Variants in SLC25A46 observed in about 807,000 individuals in gnomAD.
SLC25A46 encodes mitochondrial outer membrane protein SLC25A46.
A neutral mutation model predicts 44.6 loss-of-function variants in SLC25A46; 39 were observed. The ratio of observed to expected loss-of-function variants is 0.87; its 90% CI spans 0.68 to 1.14. The LOEUF (loss-of-function observed/expected upper bound fraction) is 1.14, where lower values mean the gene tolerates loss of function less well. SLC25A46 is among the 50% of genes most tolerant of loss of function. The pLI is 0.00. For synonymous variants in SLC25A46, 202 were observed against 185.8 expected (o/e 1.09, Z -0.71); for missense variants, 547 against 522.7 (o/e 1.05, Z -0.45).
chr5:110,738,733 CACCCGCGGGTTATCGGCTCCCTCCA>C, upstream of SLC25A46: 1 of 262,766 alleles, frequency 3.8e-6, no homozygotes, highest in Non-Finnish European at 7.3e-6. Flanking sequence ...GGGTAGGCTC[CACCCGCGGGTTATCGGCTCCCTCCA>C]AGAAGCATCT....
Position 110,744,716 on chromosome 5 carries a change from G to T in SLC25A46, c.384+929G>T, listed in dbSNP as rs184403317. On this transcript the variant is annotated intron_variant, in intron 3 of 7. Transcript: ENST00000355943. ...TTGTTTTAATCAACAATCTCACTTT[G>T]TTTATTTTTTAAAATATGTCTGTCC... Among the ~76,000 whole-genome samples, 3 of 152,154 alleles carry T rather than the reference G, an allele frequency of 2.0e-5. No individual in the cohort carries two copies. In the East Asian group the frequency reaches 5.8e-4, roughly 29 times the overall value.
chr5:110,739,003 T>C, upstream of SLC25A46: 2 of 1,469,278 alleles, frequency 1.4e-6, no homozygotes, highest in Non-Finnish European at 1.8e-6. Context: ...GACTTCCGGT[T>C]GTCAGAATTT....
At position 110,763,817 on chromosome 5, in the gene SLC25A46, A is replaced by G. The variant is rs1800321106; in HGVS notation, c.*2035A>G. On this transcript the variant is annotated 3_prime_UTR_variant, in exon 8 of 8. Transcript: ENST00000355943. ...GTTTTCCTTTTTGGAGAAAGAGAAT[A>G]CAAATTAACATTAAAATTGAAATGT... 1 of 151,866 alleles carries G rather than the reference A, an allele frequency of 6.6e-6. No individual in the cohort carries two copies. The highest frequency in any genetic ancestry group is 6.6e-5 in the Admixed American group (1 of 15,200). The allele number at this position is 151,866 out of a possible 1,614,324, so 9.4% of individuals were successfully genotyped here.
intron 5 of SLC25A46, chr5:110,755,166 C>A: frequency 5.0e-6 from 1 of 200,726 alleles, no homozygotes; most frequent in Non-Finnish European, 9.9e-6. Context: ...TTCTTTTAAC[C>A]AATCATCTTA....
Position 110,755,462 on chromosome 5 carries a change from T to G in SLC25A46, c.564-3T>G. The G allele has an allele frequency of 6.5e-7, 1 of 1,536,710 alleles. No homozygotes were observed. The highest frequency in any genetic ancestry group is 8.9e-7 in the Non-Finnish European group (1 of 1,126,266). ...TTTATTTAAGTTTATTTTTATGTTT[T>G]AGGGAGGTTTTACATAAATGGAGTC... On this transcript the variant is annotated splice_polypyrimidine_tract_variant and splice_region_variant and intron_variant, in intron 5 of 7. Transcript: ENST00000355943.
At chr5:110,751,623 T>C (rs780630113) in intron 5 of SLC25A46, among the ~76,000 whole-genome samples, 1 of 152,172 alleles carries the variant, frequency 6.6e-6, no homozygotes, top group Non-Finnish European at 1.5e-5. Flanking sequence ...ATTGTAACTG[T>C]AGATGAAAAG....
intron 2 of SLC25A46, among the ~76,000 whole-genome samples, chr5:110,742,842 C>G (rs1799724226): frequency 1.3e-5 from 2 of 151,950 alleles, no homozygotes; most frequent in East Asian, 3.9e-4. Context: ...TAAGAAAATC[C>G]TTTAGTCTTG....
chr5:110,739,931 T>TAA (rs531981056), intron 1 of SLC25A46, among the ~76,000 whole-genome samples: 13 of 146,332 alleles, frequency 8.9e-5, no homozygotes, highest in South Asian at 2.2e-4. Flanking sequence ...ACACATAGGC[T>TAA]AAAAAAAAAA....
At position 110,748,213 on chromosome 5, in the gene SLC25A46, A is replaced by C; in HGVS notation, c.513A>C (p.Gly171=). 1.2e-6 allele frequency: 2 copies of C among 1,613,724 alleles called. No homozygotes were observed. Among genetic ancestry groups the C allele is most frequent in the Admixed American group, 3.3e-5 (2 of 60,012 alleles). ...KGMGSTFIVQ[G]VTLGAEGIIS... ...TGGGAAGTACATTTATTGTCCAGGG[A>C]GTCACACTTGGAGCAGAAGGCATAA... The change falls in exon 5 of 8, where the codon GGA becomes GGC. Residue 171 remains glycine, a synonymous_variant. Transcript: ENST00000355943.
chr5:110,743,976 G>T (rs1308372209), intron 3 of SLC25A46, among the ~76,000 whole-genome samples, 189 bp downstream of exon 3: 2 of 152,028 alleles, frequency 1.3e-5, no homozygotes, highest in Non-Finnish European at 2.9e-5. Context: ...GTTTATGTTG[G>T]TCATATCTAT....
Position 110,739,119 on chromosome 5 carries a change from G to C in SLC25A46, c.-1G>C, listed in dbSNP as rs897837735. 6.5e-7 allele frequency: 1 copy of C among 1,546,716 alleles called. No individual in the cohort carries two copies. Among genetic ancestry groups the C allele is most frequent in the Non-Finnish European group, 8.7e-7 (1 of 1,146,532 alleles). On this transcript the variant is annotated 5_prime_UTR_variant, in exon 1 of 8. Transcript: ENST00000355943. ...GCTCGCGTCATCCTGCCCCCGCTGCGATGCATCCGCGGCGCCCGGACGGAT... is the reference window on the plus strand; with the variant it reads ...GCTCGCGTCATCCTGCCCCCGCTGCCATGCATCCGCGGCGCCCGGACGGAT...
At chr5:110,751,265 A>C (rs1799963770) in intron 5 of SLC25A46, among the ~76,000 whole-genome samples, 1 of 152,236 alleles carries the variant, frequency 6.6e-6, no homozygotes, top group Admixed American at 6.5e-5. Flanking sequence ...AAGAACAATA[A>C]TTCCATTAAT....
chr5:110,764,405 C>T lies in SLC25A46; in HGVS notation c.*2623C>T, dbSNP rs1349673444. The T allele has an allele frequency of 6.6e-6, 1 of 151,678 alleles. No individual in the cohort carries two copies. Among genetic ancestry groups the T allele is most frequent in the Non-Finnish European group, 1.5e-5 (1 of 67,854 alleles). 9.4% of individuals were successfully genotyped at this position (151,678 alleles called of 1,614,324 possible). A position where few individuals can be genotyped will look rare whatever the true frequency, so the allele number is the denominator to read the frequency against. On this transcript the variant is annotated 3_prime_UTR_variant, in exon 8 of 8. Coordinates refer to ENST00000355943, the MANE Select transcript of SLC25A46 (RefSeq NM_138773.4). ...GTTAATAAGGTTATCTATTAAAGCC[C>T]CCAGAATCTCAGCACTAGATGTCAT...
At chr5:110,752,044 A>G (rs1269660191) in intron 5 of SLC25A46, among the ~76,000 whole-genome samples, 2 of 152,180 alleles carry the variant, frequency 1.3e-5, no homozygotes, top group Non-Finnish European at 2.9e-5. Context: ...ACAGCAGTTC[A>G]CAGAAGCTAC....
upstream of SLC25A46, chr5:110,738,158 G>A: frequency 1.7e-6 from 2 of 1,199,184 alleles, no homozygotes; most frequent in Non-Finnish European, 2.1e-6. Flanking sequence ...CTTCCAACGA[G>A]TTGAAGGAAC....
chr5:110,753,300 AGTTT>A (rs1197916283), intron 5 of SLC25A46: 1 of 74,832 alleles, frequency 1.3e-5, no homozygotes, highest in Non-Finnish European at 2.9e-5. Flanking sequence ...GGTTGGGGTA[AGTTT>A]TTTTTTTTTT....
At position 110,761,958 on chromosome 5, in the gene SLC25A46, G is replaced by A; in HGVS notation, c.*176G>A. On this transcript the variant is annotated 3_prime_UTR_variant, in exon 8 of 8. Coordinates refer to ENST00000355943, the MANE Select transcript of SLC25A46 (RefSeq NM_138773.4). This position sits in a 1 kb window ranked among gnomAD's most constrained non-coding sequence, Gnocchi z 5.3. ...TTTTAAGGCATAGGTATATATTTTG[G>A]ATCAAAATCCTTCCAAATTTGAAAA... 1 of 537,190 alleles carries A rather than the reference G, an allele frequency of 1.9e-6. No homozygotes were observed. Among genetic ancestry groups the A allele is most frequent in the Non-Finnish European group, 3.2e-6 (1 of 312,086 alleles). 33.3% of individuals were successfully genotyped at this position (537,190 alleles called of 1,614,324 possible). A position where few individuals can be genotyped will look rare whatever the true frequency, so the allele number is the denominator to read the frequency against.
chr5:110,743,910 G>T, intron 3 of SLC25A46, 123 bp downstream of exon 3: 2 of 690,862 alleles, frequency 2.9e-6, no homozygotes, highest in South Asian at 2.9e-5. Context: ...CAAACTTTTT[G>T]GTCTCAAAAC....
Position 110,763,449 on chromosome 5 carries a change from ATAAAAT to A in SLC25A46, c.*1672_*1677del, listed in dbSNP as rs988688610. 29 of 151,982 alleles carry A rather than the reference ATAAAAT, an allele frequency of 1.9e-4. No homozygotes were observed. Among genetic ancestry groups the A allele is most frequent in the African/African-American group, 6.5e-4 (27 of 41,530 alleles). 9.4% of individuals were successfully genotyped at this position (151,982 alleles called of 1,614,324 possible). ...TTTAAATTCCACCAAAAGGGGGAAA[ATAAAAT>A]TAAACACCACTGATCACATTTTATA... On this transcript the variant is annotated 3_prime_UTR_variant, in exon 8 of 8. Transcript: ENST00000355943.
Sources: allele counts gnomAD v4.1 joint callset (sites outside exome capture counted in the v4.1 genomes callset), GRCh38; gene constraint gnomAD v4.1.1; non-coding constraint Gnocchi (gnomAD v3.1); transcripts MANE v1.5; gene names NCBI Gene and HGNC (gene_info 2026-07-23, HGNC 2026-07-21).